Variants in PCDHA7 observed in about 807,000 individuals in gnomAD.
PCDHA7 encodes protocadherin alpha 7.
In PCDHA7, 37 loss-of-function variants were observed where a neutral mutation model predicts 57.2. That is an observed-to-expected ratio of 0.65 (90% CI 0.50 to 0.85). The LOEUF (loss-of-function observed/expected upper bound fraction) is 0.85, where lower values mean the gene tolerates loss of function less well. Ranked by LOEUF, PCDHA7 falls within the 40% of genes least tolerant of loss-of-function variation. The pLI is 0.00. For synonymous variants in PCDHA7, 553 were observed against 558.8 expected, an observed-to-expected ratio of 0.99 and a Z score of 0.15; for missense variants, 1,188 against 1,241.8, an observed-to-expected ratio of 0.96 and a Z score of 0.65.
At chr5:140,883,525 A>G in intron 1 of PCDHA7, 1 of 1,614,220 alleles carries the variant, frequency 6.2e-7, no homozygotes, top group Middle Eastern at 1.7e-4. Context: ...AGAGCGTATC[A>G]GCCTATGAAC....
chr5:140,857,555 C>G, intron 1 of PCDHA7: 1 of 1,597,062 alleles, frequency 6.3e-7, no homozygotes, highest in East Asian at 2.2e-5. Flanking sequence ...CGAGCGCTCG[C>G]TGTCGAGCTA....
rs560247030 is a variant in PCDHA7, at chr5:140,910,414, C to T, written c.2356-68535C>T. On this transcript the variant is annotated intron_variant, in intron 1 of 3. Transcript: ENST00000525929. ...GACTGGCCCCTGCCACCTCGAGATC[C>T]AATTATTCCCATTGCATTTAAGTTT... Among the ~76,000 whole-genome samples the T allele has an allele frequency of 2.6e-5, 4 of 152,258 alleles. No individual in the cohort carries two copies. In the East Asian group the frequency reaches 5.8e-4, roughly 22 times the overall value.
chr5:140,927,110 G>A, intron 1 of PCDHA7: 2 of 1,613,752 alleles, frequency 1.2e-6, no homozygotes, highest in Non-Finnish European at 1.7e-6. Flanking sequence ...CTACCCAGCG[G>A]CAATTTGGTG....
chr5:140,857,735 G>A (rs782288464), intron 1 of PCDHA7: 1 of 1,597,334 alleles, frequency 6.3e-7, no homozygotes. Context: ...CAACGCTCCC[G>A]CGCTGCTGGC....
At chr5:140,912,441 G>A (rs1460671133) in intron 1 of PCDHA7, among the ~76,000 whole-genome samples, 2 of 151,478 alleles carry the variant, frequency 1.3e-5, no homozygotes, top group Non-Finnish European at 2.9e-5. Flanking sequence ...GCTGATTTGT[G>A]TGCATTGATT....
intron 3 of PCDHA7, among the ~76,000 whole-genome samples, chr5:140,988,533 C>G (rs1395075166): frequency 6.6e-6 from 1 of 152,160 alleles, no homozygotes; most frequent in African/African-American, 2.4e-5. Flanking sequence ...CTGGCTCCAT[C>G]CATTCATGAC....
intron 1 of PCDHA7, chr5:140,860,854 C>A (rs1554153872): frequency 1.3e-5 from 2 of 152,236 alleles, no homozygotes; most frequent in African/African-American, 4.8e-5. Flanking sequence ...TCTCCTGCCT[C>A]AGCCTCCGGA....
At chr5:140,981,601 T>C (rs2096939953) in intron 2 of PCDHA7, among the ~76,000 whole-genome samples, 1 of 152,086 alleles carries the variant, frequency 6.6e-6, no homozygotes, top group Non-Finnish European at 1.5e-5. Flanking sequence ...AACAAAATGT[T>C]CCTCTAATTT....
chr5:140,863,024 C>G (rs563115859), intron 1 of PCDHA7: 7 of 555,234 alleles, frequency 1.3e-5, no homozygotes, highest in Non-Finnish European at 2.1e-5. Flanking sequence ...CTGGTTGTCG[C>G]AACAGCTGCA....
At chr5:140,886,631 G>T (rs1314948402) in intron 1 of PCDHA7, among the ~76,000 whole-genome samples, 1 of 151,860 alleles carries the variant, frequency 6.6e-6, no homozygotes. Context: ...TCCGAGACCA[G>T]CCTGGCCAAC....
intron 1 of PCDHA7, chr5:140,930,420 A>G (rs996872425): frequency 1.3e-5 from 2 of 151,962 alleles, no homozygotes; most frequent in Non-Finnish European, 2.9e-5. Context: ...CAGGGGTCTC[A>G]CTATGTTGCC....
intron 1 of PCDHA7, among the ~76,000 whole-genome samples, chr5:140,887,774 C>G (rs2061572628): frequency 6.6e-6 from 1 of 152,168 alleles, no homozygotes; most frequent in Non-Finnish European, 1.5e-5. Context: ...TACAATGACA[C>G]AGGTCATTGA....
intron 1 of PCDHA7, among the ~76,000 whole-genome samples, chr5:140,893,163 T>C (rs557235731): frequency 6.6e-6 from 1 of 152,354 alleles, no homozygotes; most frequent in African/African-American, 2.4e-5. Flanking sequence ...GATATTGAGG[T>C]TGATTCCACA....
intron 1 of PCDHA7, chr5:140,928,490 CT>C: frequency 1.2e-6 from 2 of 1,614,150 alleles, no homozygotes; most frequent in Non-Finnish European, 1.7e-6. Context: ...GGTGGCATTC[CT>C]CCCAGAAGTG....
intron 1 of PCDHA7, among the ~76,000 whole-genome samples, chr5:140,846,515 C>T (rs2150391789): frequency 6.8e-6 from 1 of 147,842 alleles, no homozygotes; most frequent in Non-Finnish European, 1.5e-5. Flanking sequence ...GCTGGGATTA[C>T]AGGTGCATGC....
At chr5:140,897,008 T>C (rs1215081415) in intron 1 of PCDHA7, among the ~76,000 whole-genome samples, 13 of 152,154 alleles carry the variant, frequency 8.5e-5, no homozygotes, top group Admixed American at 1.3e-4. Flanking sequence ...TATTTTTAAA[T>C]ATACAACTAA....
intron 1 of PCDHA7, chr5:140,871,239 C>G: frequency 6.2e-7 from 1 of 1,613,976 alleles, no homozygotes; most frequent in Non-Finnish European, 8.5e-7. Context: ...TCCTGGTACT[C>G]ACGCTGCTGC....
intron 1 of PCDHA7, among the ~76,000 whole-genome samples, chr5:140,891,305 C>T (rs2063030266): frequency 6.6e-6 from 1 of 152,042 alleles, no homozygotes; most frequent in South Asian, 2.1e-4. Context: ...TATTTGATTA[C>T]ATGAGTAAGT....
rs57893927 is a variant in PCDHA7, at chr5:140,946,631, T to TATATATATATATATATAC, written c.2356-32317_2356-32316insTATATATATATATATACA. Among the ~76,000 whole-genome samples, 374 of 131,796 alleles carry TATATATATATATATATAC rather than the reference T, an allele frequency of 2.8e-3. 24 individuals carry two copies. The highest frequency in any genetic ancestry group is 0.011 in the African/African-American group (320 of 28,670). 86.5% of individuals were successfully genotyped at this position (131,796 alleles called of 152,430 possible). ...TGTGAAATATATATATATATATATA[T>TATATATATATATATATAC]ACAATGGAATACTCATCAGCCATTA... On this transcript the variant is annotated intron_variant, in intron 1 of 3. Coordinates refer to ENST00000525929, the MANE Select transcript of PCDHA7 (RefSeq NM_018910.3).
Sources: gnomAD v4.1 joint callset for allele counts (sites outside exome capture counted in the v4.1 genomes callset) on GRCh38, gnomAD v4.1.1 for gene constraint, MANE v1.5 for transcripts, NCBI Gene and HGNC (gene_info 2026-07-23, HGNC 2026-07-21) for gene names.